Variants in IGF2R observed in about 807,000 individuals in gnomAD.
IGF2R encodes insulin like growth factor 2 receptor, also known as cation-independent mannose-6-phosphate receptor.
Under a neutral mutation model 270.6 loss-of-function variants are expected in IGF2R, and 91 were observed. The ratio of observed to expected loss-of-function variants is 0.34; its 90% CI spans 0.28 to 0.40. IGF2R has a LOEUF of 0.40. Ranked by LOEUF, IGF2R falls within the 10% of genes least tolerant of loss-of-function variation. The pLI, the probability that IGF2R is intolerant of heterozygous loss-of-function variation, is 1.00. For synonymous variants in IGF2R, 1,316 were observed against 1,258.9 expected, an observed-to-expected ratio of 1.05 and a Z score of -0.96; for missense variants, 2,805 against 3,188.3, an observed-to-expected ratio of 0.88 and a Z score of 2.90.
chr6:159,975,922 CTG>C (rs1197203600), intron 1 of IGF2R, among the ~76,000 whole-genome samples: 3 of 151,496 alleles, frequency 2.0e-5, no homozygotes, highest in African/African-American at 7.3e-5. Context: ...GCTTACAGCT[CTG>C]TTTTTAAGTG....
At chr6:159,970,942 C>G (rs1783599794) in intron 1 of IGF2R, among the ~76,000 whole-genome samples, 1 of 152,066 alleles carries the variant, frequency 6.6e-6, no homozygotes, top group African/African-American at 2.4e-5. Flanking sequence ...GAGCCGGGCG[C>G]GGTGGCACAC....
In IGF2R at chr6:160,103,427, A is replaced by G. The variant is rs538052495; in HGVS notation, c.6996-319A>G. ...CATGTGATGTCTGTCTCTGCGAGCC[A>G]CCATTGGGCAGGCTTAGTGGCGACG... On this transcript the variant is annotated intron_variant, in intron 46 of 47. Transcript: ENST00000356956. Among the ~76,000 whole-genome samples, 42 of 152,178 alleles carry G rather than the reference A, an allele frequency of 2.8e-4. 4 individuals carry two copies. In the South Asian group the frequency reaches 5.2e-3, roughly 19 times the overall value.
At chr6:160,094,085 A>G (rs1347773135) in intron 44 of IGF2R, 3 of 506,016 alleles carry the variant, frequency 5.9e-6, no homozygotes, top group Non-Finnish European at 1.2e-5. Context: ...CCTCCACCCC[A>G]TCATTCCCCT....
At chr6:160,031,824 C>T (rs957903872) in intron 7 of IGF2R, among the ~76,000 whole-genome samples, 2 of 152,096 alleles carry the variant, frequency 1.3e-5, no homozygotes, top group African/African-American at 4.8e-5. Flanking sequence ...CGGCTATGCC[C>T]GGTGCTAAGC....
At chr6:160,045,332 G>C (rs1489647274) in intron 13 of IGF2R, among the ~76,000 whole-genome samples, 1 of 152,172 alleles carries the variant, frequency 6.6e-6, no homozygotes, top group Non-Finnish European at 1.5e-5. Flanking sequence ...GTGGGATAAA[G>C]TCAGAAGCTA....
intron 2 of IGF2R, chr6:160,005,221 A>C (rs1784198005): frequency 6.6e-6 from 1 of 152,344 alleles, no homozygotes; most frequent in Non-Finnish European, 1.5e-5. Context: ...TGTGGTTCTA[A>C]GGAGGCTCTG....
intron 2 of IGF2R, chr6:160,006,212 C>CCTCGCGCCTCCCCCCT (rs1554237678): frequency 6.4e-5 from 10 of 156,946 alleles, no homozygotes; most frequent in African/African-American, 2.4e-4. Context: ...CGCCTCCCCC[C>CCTCGCGCCTCCCCCCT]TCGCGCCTCC....
intron 12 of IGF2R, among the ~76,000 whole-genome samples, chr6:160,043,733 T>C (rs991508622): frequency 1.3e-5 from 2 of 152,258 alleles, no homozygotes; most frequent in Admixed American, 6.5e-5. Flanking sequence ...GCTGTCATTG[T>C]TTTGGTCCCG....
At position 159,997,674 on chromosome 6, in the gene IGF2R, C is replaced by T. The variant is rs144592234; in HGVS notation, c.289+6351C>T. ...CGTTTCCTGCTTTTTATTTTTTGCCCTCGTTTCATCCCAGGGGTTCTCCAC... is the reference window on the plus strand; with the variant it reads ...CGTTTCCTGCTTTTTATTTTTTGCCTTCGTTTCATCCCAGGGGTTCTCCAC... On this transcript the variant is annotated intron_variant, in intron 2 of 47. Coordinates refer to ENST00000356956, the MANE Select transcript of IGF2R (RefSeq NM_000876.4). Among the ~76,000 whole-genome samples, 3 of 152,218 alleles carry T rather than the reference C, an allele frequency of 2.0e-5. No homozygotes were observed. The East Asian group carries it at 5.8e-4, about 29-fold the overall frequency.
At chr6:160,097,771 A>G (rs1779398977) in intron 45 of IGF2R, among the ~76,000 whole-genome samples, 1 of 152,184 alleles carries the variant, frequency 6.6e-6, no homozygotes, top group Non-Finnish European at 1.5e-5. Context: ...GGTGGGGGTC[A>G]TGGGGGAATG....
At chr6:160,027,370 T>C (rs1370067371) in intron 6 of IGF2R, 56 bp downstream of exon 6, 2 of 1,544,694 alleles carry the variant, frequency 1.3e-6, no homozygotes, top group Non-Finnish European at 1.7e-6. Context: ...AGGACCTGAC[T>C]TTCAGGGAGC....
Position 160,104,805 on chromosome 6 carries a change from C to A in IGF2R, c.7197C>A (p.Leu2399=). 1 of 1,614,172 alleles carries A rather than the reference C, an allele frequency of 6.2e-7. No individual in the cohort carries two copies. The highest frequency in any genetic ancestry group is 1.3e-5 in the African/African-American group (1 of 75,032). The part of the protein sequence containing the change: ...GHITTKSVKA[L]SSLHGDDQDS... The stretch of plus-strand genomic sequence containing the variant: ...TTACCACCAAGTCAGTGAAAGCCCT[C>A]AGCTCCCTGCATGGGGATGACCAGG... Residue 2399 remains leucine, a synonymous_variant, in exon 48 of 48, where the codon CTC becomes CTA. Transcript: ENST00000356956.
intron 10 of IGF2R, among the ~76,000 whole-genome samples, chr6:160,037,185 T>TA (rs937428507): frequency 1.3e-5 from 2 of 152,182 alleles, no homozygotes; most frequent in Non-Finnish European, 2.9e-5. Flanking sequence ...ATCCTGATGT[T>TA]AAAAAACCCA....
In IGF2R at chr6:160,062,056, G is replaced by A. The variant is rs1018788209; in HGVS notation, c.3582+128G>A. 27 of 830,012 alleles carry A rather than the reference G, an allele frequency of 3.3e-5. 1 individual carries two copies. The highest frequency in any genetic ancestry group is 4.9e-5 in the Non-Finnish European group (26 of 531,278). The allele number at this position is 830,012 out of a possible 1,614,324, so 51.4% of individuals were successfully genotyped here. On this transcript the variant is annotated intron_variant, in intron 25 of 47. Transcript: ENST00000356956. ...TTTCGTGGAGTTTCAGCCATTGCTAGGGTTTGACGAGAATGCACTCATTTC... is the reference window on the plus strand; with the variant it reads ...TTTCGTGGAGTTTCAGCCATTGCTAAGGTTTGACGAGAATGCACTCATTTC...
chr6:159,988,473 A>G (rs1422434075), intron 1 of IGF2R, among the ~76,000 whole-genome samples: 2 of 143,186 alleles, frequency 1.4e-5, no homozygotes, highest in African/African-American at 5.2e-5. Context: ...AGATTGCGCC[A>G]CTGCACTCCA....
intron 1 of IGF2R, among the ~76,000 whole-genome samples, chr6:159,976,597 G>A (rs1463135404): frequency 6.6e-6 from 1 of 151,654 alleles, no homozygotes; most frequent in Non-Finnish European, 1.5e-5. Flanking sequence ...TATATTTAAA[G>A]CTTCATGTTT....
In IGF2R at chr6:160,099,855, G is replaced by A. The variant is rs192404034; in HGVS notation, c.6843-2664G>A. Reference sequence around the variant, plus strand: ...TTCCCAGCTTTTAAAATTTCTTACAGTGATAGCATCATATGAAAGTAAAAC... The same window carrying A: ...TTCCCAGCTTTTAAAATTTCTTACAATGATAGCATCATATGAAAGTAAAAC... On this transcript the variant is annotated intron_variant, in intron 45 of 47. Coordinates refer to ENST00000356956, the MANE Select transcript of IGF2R (RefSeq NM_000876.4). Among the ~76,000 whole-genome samples the A allele has an allele frequency of 1.7e-3, 255 of 152,266 alleles. 4 individuals are homozygous for A. Among genetic ancestry groups the A allele is most frequent in the African/African-American group, 6.0e-3 (248 of 41,554 alleles).
chr6:160,000,396 T>C (rs138021297), intron 2 of IGF2R, among the ~76,000 whole-genome samples: 39 of 152,186 alleles, frequency 2.6e-4, no homozygotes, highest in African/African-American at 8.4e-4. Context: ...AGAACTCTTA[T>C]CACGAGACAG....
intron 31 of IGF2R, 130 bp from the exon 32 acceptor site, chr6:160,071,780 C>T (rs1012626706): frequency 2.3e-5 from 29 of 1,237,350 alleles, no homozygotes; most frequent in Non-Finnish European, 8.1e-6. Flanking sequence ...CCTCATCCCA[C>T]AGGCACATGG....
Sources: allele counts gnomAD v4.1 joint callset (sites outside exome capture counted in the v4.1 genomes callset), GRCh38; gene constraint gnomAD v4.1.1; transcripts MANE v1.5; gene names NCBI Gene and HGNC (gene_info 2026-07-23, HGNC 2026-07-21).